The following KLRD1 variants were observed in gnomAD, a reference collection of about 807,000 sequenced individuals.
KLRD1 encodes the protein killer cell lectin like receptor D1, also known as natural killer cells antigen CD94.
KLRD1 carries 21 observed loss-of-function variants against 22.6 expected under a neutral mutation model. The ratio of observed to expected loss-of-function variants is 0.93; its 90% CI spans 0.66 to 1.34. The LOEUF (loss-of-function observed/expected upper bound fraction) is 1.34. Ranked by LOEUF, KLRD1 falls within the 40% of genes most tolerant of loss-of-function variation. KLRD1 has a pLI of 0.00. For synonymous variants in KLRD1, 59 were observed against 71.1 expected (o/e 0.83, Z 0.85); for missense variants, 183 against 208.6 (o/e 0.88, Z 0.76).
rs1347066360 is a variant in KLRD1 at position 10,321,573 on chromosome 12, T to A, written c.*6780T>A. ...ATTACATTGTATAAGGGTTGATCAC[T>A]GTGACCAAGAGAATAAGGCAGAAGT... is the stretch of plus-strand genomic sequence containing the variant. On this transcript the variant is annotated 3_prime_UTR_variant, in exon 6 of 6. Coordinates refer to ENST00000336164, the MANE Select transcript of KLRD1 (RefSeq NM_002262.5). 1 of 152,246 alleles carries A rather than the reference T, an allele frequency of 6.6e-6. No individual in the cohort carries two copies. Among genetic ancestry groups the A allele is most frequent in the Non-Finnish European group, 1.5e-5 (1 of 68,042 alleles). 9.4% of individuals were successfully genotyped at this position (152,246 alleles called of 1,614,324 possible).
At chr12:10,269,446 C>T (rs1949529632) in intron 1 of KLRD1, among the ~76,000 whole-genome samples, 1 of 152,170 alleles carries the variant, frequency 6.6e-6, no homozygotes. Context: ...CCACCACGCT[C>T]AGCCTCAAAT....
Position 10,243,791 on chromosome 12 carries a change from C to G in KLRD1, c.-101+17558C>G, listed in dbSNP as rs1369037593. Among the ~76,000 whole-genome samples, 5 of 151,932 alleles carry G rather than the reference C, an allele frequency of 3.3e-5. No homozygotes were observed. The East Asian group carries it at 7.7e-4, about 23-fold the overall frequency. ...GTTATAATGTGAAATAGTGATCTTA[C>G]TAGGGATTCTCATTGGTAGCGGTTT... On this transcript the variant is annotated intron_variant, in intron 1 of 5. Transcript: ENST00000544747.
chr12:10,276,352 A>C (rs1295121705), intron 1 of KLRD1, among the ~76,000 whole-genome samples: 1 of 152,084 alleles, frequency 6.6e-6, no homozygotes, highest in Non-Finnish European at 1.5e-5. Context: ...ATATGGGTAT[A>C]AATGTTTATA....
rs1412595824 is a variant in KLRD1, at chr12:10,321,604, C to T, written c.*6811C>T. On this transcript the variant is annotated 3_prime_UTR_variant, in exon 6 of 6. Transcript: ENST00000336164. ...CAAGAGAATAAGGCAGAAGTTATCG[C>T]ATATCACTTTTGAGGCTAGATTATA... The T allele has an allele frequency of 6.6e-6, 1 of 152,202 alleles. No homozygotes were observed. Among genetic ancestry groups the T allele is most frequent in the African/African-American group, 2.4e-5 (1 of 41,452 alleles). The allele number at this position is 152,202 out of a possible 1,614,324, so 9.4% of individuals were successfully genotyped here. A position where few individuals can be genotyped will look rare whatever the true frequency, so the allele number is the denominator to read the frequency against.
Position 10,327,541 on chromosome 12 carries a change from ATGT to A in KLRD1, c.*12751_*12753del, listed in dbSNP as rs1950371871. The A allele has an allele frequency of 6.6e-6, 1 of 152,170 alleles. No homozygotes were observed. Among genetic ancestry groups the A allele is most frequent in the African/African-American group, 2.4e-5 (1 of 41,442 alleles). The allele number at this position is 152,170 out of a possible 1,614,324, so 9.4% of individuals were successfully genotyped here. ...TAAATGAATATAGGAGGATTTTTGCATGTTGATTTTGTACCCTGCAACTTTACT... is the reference window on the plus strand; with the variant it reads ...TAAATGAATATAGGAGGATTTTTGCATGATTTTGTACCCTGCAACTTTACT... On this transcript the variant is annotated 3_prime_UTR_variant, in exon 6 of 6. Transcript: ENST00000336164.
chr12:10,312,848 G>A (rs1408809171), intron 4 of KLRD1, among the ~76,000 whole-genome samples: 2 of 151,652 alleles, frequency 1.3e-5, no homozygotes, highest in East Asian at 4.0e-4. Context: ...TTAGCCGGGC[G>A]TGGTGGCGGG....
upstream of KLRD1, among the ~76,000 whole-genome samples, chr12:10,305,121 C>T (rs140454335): frequency 8.8e-3 from 1,343 of 152,252 alleles, 31 homozygotes; most frequent in African/African-American, 0.031. Flanking sequence ...ACATTAGTTT[C>T]TTTTCCCTGG....
chr12:10,265,979 A>G (rs1265834288), intron 1 of KLRD1, among the ~76,000 whole-genome samples: 1 of 152,202 alleles, frequency 6.6e-6, no homozygotes, highest in Non-Finnish European at 1.5e-5. Context: ...TCCCTCTGAC[A>G]CTATTTATAT....
At chr12:10,280,671 G>A (rs1949632182) in intron 1 of KLRD1, among the ~76,000 whole-genome samples, 1 of 152,128 alleles carries the variant, frequency 6.6e-6, no homozygotes, top group Non-Finnish European at 1.5e-5. Flanking sequence ...TCCTACCAAT[G>A]CTTTCCAATG....
intron 1 of KLRD1, among the ~76,000 whole-genome samples, chr12:10,245,609 T>A (rs367959075): frequency 5.3e-5 from 8 of 152,308 alleles, no homozygotes; most frequent in East Asian, 3.9e-4. Flanking sequence ...GATTATTTAA[T>A]CATTAATTTC....
In KLRD1 at chr12:10,316,496, A is replaced by T. The variant is rs919040708; in HGVS notation, c.*1703A>T. ...TGGTTCACTGCAGCTTCAACTTCCC[A>T]GGCTCAAGGGATCCTCCCACCTCAG... On this transcript the variant is annotated 3_prime_UTR_variant, in exon 6 of 6. Transcript: ENST00000336164. 2 of 151,902 alleles carry T rather than the reference A, an allele frequency of 1.3e-5. No homozygotes were observed. Among genetic ancestry groups the T allele is most frequent in the African/African-American group, 4.8e-5 (2 of 41,320 alleles). The allele number at this position is 151,902 out of a possible 1,614,324, so 9.4% of individuals were successfully genotyped here.
intron 1 of KLRD1, among the ~76,000 whole-genome samples, chr12:10,260,455 A>C (rs1949441218): frequency 6.6e-6 from 1 of 152,136 alleles, no homozygotes. Flanking sequence ...CAGTTGTGGA[A>C]AATTCAGATA....
Position 10,315,891 on chromosome 12 carries a change from G to A in KLRD1, c.*1098G>A, listed in dbSNP as rs879699844. ...GCAGCACTTTGGGAGGCCAAGGCGG[G>A]TGGATCACTTGAGGTCAGGAGTTTG... On this transcript the variant is annotated 3_prime_UTR_variant, in exon 6 of 6. Coordinates refer to ENST00000336164, the MANE Select transcript of KLRD1 (RefSeq NM_002262.5). The A allele has an allele frequency of 6.6e-6, 1 of 152,074 alleles. No individual in the cohort carries two copies. Among genetic ancestry groups the A allele is most frequent in the Non-Finnish European group, 1.5e-5 (1 of 68,034 alleles). The allele number at this position is 152,074 out of a possible 1,614,324, so 9.4% of individuals were successfully genotyped here. A position where few individuals can be genotyped will look rare whatever the true frequency, so the allele number is the denominator to read the frequency against.
chr12:10,304,079 A>G (rs1949890199), upstream of KLRD1, among the ~76,000 whole-genome samples: 1 of 152,232 alleles, frequency 6.6e-6, no homozygotes, highest in Non-Finnish European at 1.5e-5. Context: ...TTGTCAAATC[A>G]GTATCACAAG....
intron 1 of KLRD1, among the ~76,000 whole-genome samples, chr12:10,267,017 T>C (rs1949507213): frequency 6.6e-6 from 1 of 152,064 alleles, no homozygotes; most frequent in Admixed American, 6.6e-5. Flanking sequence ...TGTGCCATGT[T>C]GGTGTGCTGC....
chr12:10,279,553 G>A (rs997138914), intron 1 of KLRD1, among the ~76,000 whole-genome samples: 1 of 152,030 alleles, frequency 6.6e-6, no homozygotes, highest in Admixed American at 6.6e-5. Context: ...GTATTCAGGG[G>A]TTTTCTTTAT....
At chr12:10,274,155 C>G (rs1269728830) in intron 1 of KLRD1, among the ~76,000 whole-genome samples, 2 of 152,018 alleles carry the variant, frequency 1.3e-5, no homozygotes, top group Admixed American at 1.3e-4. Context: ...TGGTGCATGC[C>G]TTTAATCCCA....
chr12:10,321,427 G>A lies in KLRD1; in HGVS notation c.*6634G>A, dbSNP rs1031369737. ...CGGAATGAGATTTGGCAGTTGGTGT[G>A]GATTTTGTATGTGGGAGGGACATAA... On this transcript the variant is annotated 3_prime_UTR_variant, in exon 6 of 6. Transcript: ENST00000336164. 6.6e-6 allele frequency: 1 copy of A among 152,114 alleles called. No homozygotes were observed. Among genetic ancestry groups the A allele is most frequent in the Admixed American group, 6.5e-5 (1 of 15,274 alleles). The allele number at this position is 152,114 out of a possible 1,614,324, so 9.4% of individuals were successfully genotyped here.
chr12:10,291,080 C>T (rs1307868703), intron 1 of KLRD1, among the ~76,000 whole-genome samples: 3 of 152,220 alleles, frequency 2.0e-5, no homozygotes, highest in Admixed American at 6.5e-5. Flanking sequence ...AATGTTTACA[C>T]TGTACTGCAG....
Sources: allele counts gnomAD v4.1 joint callset (sites outside exome capture counted in the v4.1 genomes callset), GRCh38; gene constraint gnomAD v4.1.1; transcripts MANE v1.5; gene names NCBI Gene and HGNC (gene_info 2026-07-23, HGNC 2026-07-21).